Variants in MAGI2 observed in about 807,000 individuals in gnomAD.
The protein encoded by MAGI2 is membrane associated guanylate kinase, WW and PDZ domain containing 2, also known as membrane-associated guanylate kinase, WW and PDZ domain-containing protein 2.
A neutral mutation model predicts 133.3 loss-of-function variants in MAGI2; 35 were observed. The ratio of observed to expected loss-of-function variants is 0.26; its 90% CI spans 0.20 to 0.35. The LOEUF is 0.35. Ranked by LOEUF, MAGI2 falls within the 10% of genes least tolerant of loss-of-function variation. The pLI is 1.00. For synonymous variants in MAGI2, 729 were observed against 710.6 expected (o/e 1.03, Z -0.41); for missense variants, 1,636 against 1,863.4 (o/e 0.88, Z 2.25).
chr7:79,341,550 A>G (rs1369111761), intron 1 of MAGI2, among the ~76,000 whole-genome samples: 1 of 152,174 alleles, frequency 6.6e-6, no homozygotes, highest in Admixed American at 6.6e-5. Flanking sequence ...AACAAAAATA[A>G]AAAGAGGCCA....
intron 6 of MAGI2, among the ~76,000 whole-genome samples, chr7:78,466,828 G>T (rs1021175882): frequency 6.6e-6 from 1 of 152,078 alleles, no homozygotes; most frequent in Non-Finnish European, 1.5e-5. Context: ...AAAGGCACTC[G>T]GCAGAGAGTG....
chr7:79,103,646 C>T (rs1818181086), intron 1 of MAGI2, among the ~76,000 whole-genome samples: 1 of 152,012 alleles, frequency 6.6e-6, no homozygotes, highest in Non-Finnish European at 1.5e-5. Flanking sequence ...CAAAGAGGCA[C>T]ACCAGGACTT....
Position 78,431,347 on chromosome 7 carries a change from C to T in MAGI2, c.1045+58414G>A, listed in dbSNP as rs143210315. On this transcript the variant is annotated intron_variant, in intron 6 of 21. Transcript: ENST00000354212. Reference sequence around the variant, plus strand: ...TTTTGACTTTCTTTCGAGCTAATACCTGCTATTTAGGGAGAGGAAGCAAAG... The same window carrying T: ...TTTTGACTTTCTTTCGAGCTAATACTTGCTATTTAGGGAGAGGAAGCAAAG... Among the ~76,000 whole-genome samples, 8 of 151,806 alleles carry T rather than the reference C, an allele frequency of 5.3e-5. No individual in the cohort carries two copies. The East Asian group carries it at 1.5e-3, about 29-fold the overall frequency.
chr7:79,073,402 A>G (rs1264822457), intron 1 of MAGI2, among the ~76,000 whole-genome samples: 1 of 152,126 alleles, frequency 6.6e-6, no homozygotes. Context: ...GACAGTCTTT[A>G]TTTAACTGAG....
At chr7:79,422,691 T>C (rs1379460120) in intron 1 of MAGI2, among the ~76,000 whole-genome samples, 1 of 152,052 alleles carries the variant, frequency 6.6e-6, no homozygotes, top group Admixed American at 6.6e-5. Context: ...TGCTTGATTT[T>C]ATTTAGGAAG....
chr7:78,872,285 A>C (rs1795094711), intron 2 of MAGI2, among the ~76,000 whole-genome samples: 1 of 152,020 alleles, frequency 6.6e-6, no homozygotes, highest in Non-Finnish European at 1.5e-5. Flanking sequence ...ATAAAATATT[A>C]GTAAATAAAA....
At chr7:78,397,323 T>C (rs1199682706) in intron 6 of MAGI2, among the ~76,000 whole-genome samples, 1 of 151,332 alleles carries the variant, frequency 6.6e-6, no homozygotes, top group Admixed American at 6.6e-5. Context: ...CAGACCAAAG[T>C]AGTTGTGAAA....
At chr7:78,032,045 T>G (rs1809645795) in intron 21 of MAGI2, among the ~76,000 whole-genome samples, 1 of 150,492 alleles carries the variant, frequency 6.6e-6, no homozygotes, top group Non-Finnish European at 1.5e-5. Context: ...ATTCCGGCTG[T>G]TTAAAAAGAA....
chr7:78,521,483 T>G lies in MAGI2; in HGVS notation c.701A>C (p.Glu234Ala). The G allele has an allele frequency of 6.2e-7, 1 of 1,614,178 alleles. No homozygotes were observed. Among genetic ancestry groups the G allele is most frequent in the Non-Finnish European group, 8.5e-7 (1 of 1,180,034 alleles). Residue 234 changes from glutamate (E) to alanine (A), a missense_variant, in exon 4 of 22, where the codon GAG (glutamate) becomes GCG (alanine). Coordinates refer to ENST00000354212, the MANE Select transcript of MAGI2 (RefSeq NM_012301.4). The stretch of plus-strand genomic sequence containing the variant: ...GACCACAGGCCTCTCTTCCTCTTCC[T>G]CCTCAGGAGGCTCTATACTGGCTTT... ...MEKASIEPPE[E>A]EEEERPVVNG... is the part of the protein sequence containing the mutation.
intron 2 of MAGI2, among the ~76,000 whole-genome samples, chr7:78,944,633 T>TTGGGTACA (rs1428248952): frequency 1.3e-5 from 2 of 152,142 alleles, no homozygotes; most frequent in Non-Finnish European, 2.9e-5. Context: ...TTTATTACAC[T>TTGGGTACA]TGGGTACATA....
At chr7:78,435,619 G>A (rs554038543) in intron 6 of MAGI2, among the ~76,000 whole-genome samples, 1 of 152,208 alleles carries the variant, frequency 6.6e-6, no homozygotes, top group East Asian at 1.9e-4. Context: ...ATGCCTGCAG[G>A]CACCAAAGCT....
At chr7:78,140,340 A>C (rs1405564686) in intron 16 of MAGI2, among the ~76,000 whole-genome samples, 1 of 152,188 alleles carries the variant, frequency 6.6e-6, no homozygotes, top group Non-Finnish European at 1.5e-5. Flanking sequence ...GAGAAAGAAA[A>C]GTCTGTGACT....
At chr7:78,054,033 T>C (rs891841967) in intron 21 of MAGI2, among the ~76,000 whole-genome samples, 13 of 152,334 alleles carry the variant, frequency 8.5e-5, no homozygotes, top group Non-Finnish European at 1.3e-4. Flanking sequence ...TTTTGTACCT[T>C]CTCTTTATAA....
At chr7:78,573,221 T>TAA (rs1801766678) in intron 3 of MAGI2, among the ~76,000 whole-genome samples, 2 of 75,880 alleles carry the variant, frequency 2.6e-5, no homozygotes, top group South Asian at 6.7e-4. Context: ...TATATAAATA[T>TAA]ATATAAATAT....
intron 1 of MAGI2, among the ~76,000 whole-genome samples, chr7:79,148,680 C>T (rs1023018522): frequency 6.6e-6 from 1 of 151,730 alleles, no homozygotes; most frequent in South Asian, 2.1e-4. Flanking sequence ...CTCTCAGGCT[C>T]TCTATGATAC....
intron 6 of MAGI2, among the ~76,000 whole-genome samples, chr7:78,433,680 G>A (rs899359103): frequency 6.6e-5 from 10 of 152,094 alleles, no homozygotes; most frequent in Non-Finnish European, 1.5e-5. Context: ...GCATTCATGA[G>A]TTCTCTCAGT....
chr7:78,073,872 T>G (rs943948244), intron 21 of MAGI2, among the ~76,000 whole-genome samples: 1 of 152,226 alleles, frequency 6.6e-6, no homozygotes, highest in African/African-American at 2.4e-5. Context: ...GCACTGCTTT[T>G]GATGCATCTT....
At chr7:78,226,222 G>A (rs1396539355) in intron 10 of MAGI2, among the ~76,000 whole-genome samples, 1 of 151,878 alleles carries the variant, frequency 6.6e-6, no homozygotes, top group South Asian at 2.1e-4. Context: ...ACCCTCACAG[G>A]TCTAGGTCAT....
At chr7:78,733,049 G>T (rs573576821) in intron 2 of MAGI2, among the ~76,000 whole-genome samples, 1 of 152,166 alleles carries the variant, frequency 6.6e-6, no homozygotes, top group African/African-American at 2.4e-5. Context: ...GGCGCAACAG[G>T]ATTAGAGCTT....
Sources: gnomAD v4.1 joint callset for allele counts (sites outside exome capture counted in the v4.1 genomes callset) on GRCh38, gnomAD v4.1.1 for gene constraint, MANE v1.5 for transcripts, NCBI Gene and HGNC (gene_info 2026-07-23, HGNC 2026-07-21) for gene names.